The following CNTNAP3B variants were observed in gnomAD, a reference collection of about 807,000 sequenced individuals.
CNTNAP3B encodes contactin-associated protein-like 3B.
Under a neutral mutation model 108.9 loss-of-function variants are expected in CNTNAP3B, and 25 were observed. The observed-to-expected ratio is 0.23, with a 90% CI of 0.17 to 0.32. The LOEUF is 0.32. CNTNAP3B is among the 10% of genes least tolerant of loss of function. The probability of loss-of-function intolerance (pLI) is 1.00; values close to 1 mark genes in which losing one functional copy is unlikely to be tolerated. For missense variants in CNTNAP3B, 252 were observed against 1,210.4 expected (o/e 0.21, Z 11.75); for synonymous variants, 103 against 473.4 (o/e 0.22, Z 10.16).
intron 3 of CNTNAP3B, among the ~76,000 whole-genome samples, chr9:42,030,192 G>A: frequency 1.3e-5 from 1 of 77,582 alleles, no homozygotes; most frequent in East Asian, 4.4e-4. Flanking sequence ...TAAAAGTTAA[G>A]CTAAAAAATG....
intron 3 of CNTNAP3B, among the ~76,000 whole-genome samples, chr9:42,023,659 T>A: frequency 8.5e-6 from 1 of 117,760 alleles, no homozygotes; most frequent in Non-Finnish European, 1.8e-5. Flanking sequence ...ACTATTGCTA[T>A]TTATCTAGGG....
chr9:41,936,064 T>G (rs1411827818), intron 14 of CNTNAP3B, among the ~76,000 whole-genome samples: 1 of 152,248 alleles, frequency 6.6e-6, no homozygotes, highest in African/African-American at 2.4e-5. Context: ...CAGAAGGTTC[T>G]GTAACAAAAA....
chr9:42,018,801 A>G (rs1310461938), intron 3 of CNTNAP3B, among the ~76,000 whole-genome samples: 1 of 151,900 alleles, frequency 6.6e-6, no homozygotes, highest in African/African-American at 2.4e-5. Flanking sequence ...TTCTGTGACT[A>G]TGGGCAAGAT....
chr9:41,979,845 TC>T lies in CNTNAP3B; in HGVS notation c.1477+6322del, dbSNP rs1163803516. The T allele has an allele frequency of 1.4e-3, 170 of 123,940 alleles. 1 individual carries two copies. The highest frequency in any genetic ancestry group is 5.7e-3 in the African/African-American group (153 of 26,980). The allele number at this position is 123,940 out of a possible 1,614,324, so 7.7% of individuals were successfully genotyped here. A position where few individuals can be genotyped will look rare whatever the true frequency, so the allele number is the denominator to read the frequency against. On this transcript the variant is annotated intron_variant, in intron 9 of 23. Transcript: ENST00000377561. ...CTCAGGTGATCCGCCGGCCTCAGCC[TC>T]CCAGATTGCTGGGATTACAGGCGTG...
intron 10 of CNTNAP3B, among the ~76,000 whole-genome samples, chr9:41,965,126 G>A (rs1455357348): frequency 1.3e-5 from 2 of 152,292 alleles, no homozygotes; most frequent in Non-Finnish European, 2.9e-5. Flanking sequence ...TCGCCTTTTA[G>A]ATTTGCAATA....
chr9:42,105,853 G>A (rs1366576437), intron 1 of CNTNAP3B, among the ~76,000 whole-genome samples: 1 of 74,340 alleles, frequency 1.3e-5, no homozygotes, highest in East Asian at 7.6e-4. Context: ...CTGTGAAAGA[G>A]GAATGTTATA....
chr9:41,962,508 G>T (rs1455073321), intron 11 of CNTNAP3B, among the ~76,000 whole-genome samples: 25 of 148,638 alleles, frequency 1.7e-4, no homozygotes, highest in Non-Finnish European at 3.1e-4. Flanking sequence ...AATTTTCCAG[G>T]TAACACACAA....
At chr9:41,930,584 G>C (rs879540203) in intron 14 of CNTNAP3B, among the ~76,000 whole-genome samples, 10 of 151,898 alleles carry the variant, frequency 6.6e-5, no homozygotes, top group Non-Finnish European at 1.2e-4. Flanking sequence ...AACACTCAGC[G>C]CTCACCTTTT....
intron 1 of CNTNAP3B, among the ~76,000 whole-genome samples, chr9:42,114,920 A>T (rs1828279028): frequency 7.4e-6 from 1 of 135,018 alleles, no homozygotes; most frequent in Non-Finnish European, 1.6e-5. Context: ...TGGGCATGGT[A>T]GCGGGAACTT....
chr9:42,071,567 A>T (rs1827380154), intron 3 of CNTNAP3B, among the ~76,000 whole-genome samples: 1 of 139,492 alleles, frequency 7.2e-6, no homozygotes, highest in African/African-American at 2.8e-5. Context: ...GGCAATTTAC[A>T]GCAAGAATTA....
At position 41,934,122 on chromosome 9, in the gene CNTNAP3B, T is replaced by TATATATATATATATATATATACAC. The variant is rs1214326050; in HGVS notation, c.2237+4121_2237+4122insGTGTATATATATATATATATATAT. Among the ~76,000 whole-genome samples, 93 of 73,180 alleles carry TATATATATATATATATATATACAC rather than the reference T, an allele frequency of 1.3e-3. 1 individual carries two copies. The highest frequency in any genetic ancestry group is 4.9e-3 in the African/African-American group (83 of 16,814). The allele number at this position is 73,180 out of a possible 152,430, so 48.0% of individuals were successfully genotyped here. On this transcript the variant is annotated intron_variant, in intron 14 of 23. Transcript: ENST00000377561. ...TTACATATATATATATATATATATA[T>TATATATATATATATATATATACAC]ACACACACATATATATATACACACA...
rs1278493115 is a variant in CNTNAP3B, at chr9:41,906,834, T to TTTTG, written c.3354+16_3354+19dup. The TTTTG allele has an allele frequency of 5.1e-6, 4 of 778,944 alleles. No individual in the cohort carries two copies. In the African/African-American group the frequency reaches 7.1e-5, roughly 14 times the overall value. The allele number at this position is 778,944 out of a possible 1,614,324, so 48.3% of individuals were successfully genotyped here. On this transcript the variant is annotated intron_variant, in intron 20 of 23. Coordinates refer to ENST00000377561, the MANE Select transcript of CNTNAP3B (RefSeq NM_001201380.3). The stretch of plus-strand genomic sequence containing the variant: ...AAATAATAATATTAGTTAGTTTGAC[T>TTTTG]TTTGCATTTGTGGGATTACCTCTAC...
rs1824263664 is a variant in CNTNAP3B at position 41,939,409 on chromosome 9, T to C, written c.2081-1009A>G. ...ATCTGGAACTTAGCTTCTACCTTAC[T>C]GCTTATTACAACTCAATTATAACTC... On this transcript the variant is annotated intron_variant, in intron 13 of 23. Coordinates refer to ENST00000377561, the MANE Select transcript of CNTNAP3B (RefSeq NM_001201380.3). Among the ~76,000 whole-genome samples, 3 of 152,306 alleles carry C rather than the reference T, an allele frequency of 2.0e-5. No individual in the cohort carries two copies. In the South Asian group the frequency reaches 6.2e-4, roughly 31 times the overall value.
At chr9:42,030,750 C>CAGAGAGACAGAGAGAG (rs1335836899) in intron 3 of CNTNAP3B, among the ~76,000 whole-genome samples, 14 of 60,436 alleles carry the variant, frequency 2.3e-4, no homozygotes, top group African/African-American at 1.1e-3. Flanking sequence ...GAAAGAGATA[C>CAGAGAGACAGAGAGAG]AGAGAGAGAG....
chr9:41,940,669 G>T (rs1340080031), intron 13 of CNTNAP3B, among the ~76,000 whole-genome samples: 1 of 152,250 alleles, frequency 6.6e-6, no homozygotes, highest in Non-Finnish European at 1.5e-5. Flanking sequence ...ACAAAAAATA[G>T]ACGAGCGTAG....
intron 13 of CNTNAP3B, among the ~76,000 whole-genome samples, chr9:41,940,992 T>C (rs1341353538): frequency 6.6e-6 from 1 of 152,096 alleles, no homozygotes; most frequent in Non-Finnish European, 1.5e-5. Flanking sequence ...ATAAATATAA[T>C]AGACTATCCT....
At position 42,076,187 on chromosome 9, in the gene CNTNAP3B, G is replaced by T. The variant is rs1827484188; in HGVS notation, c.390+682C>A. On this transcript the variant is annotated intron_variant, in intron 3 of 23. Coordinates refer to ENST00000377561, the MANE Select transcript of CNTNAP3B (RefSeq NM_001201380.3). ...CCCAGCACTTTGGGAGGTCAAGATG[G>T]GTGGATGACCTGAGGTGAGGAGTTC... Among the ~76,000 whole-genome samples, 3 of 70,354 alleles carry T rather than the reference G, an allele frequency of 4.3e-5. No homozygotes were observed. The South Asian group carries it at 1.7e-3, about 39-fold the overall frequency. The allele number at this position is 70,354 out of a possible 152,430, so 46.2% of individuals were successfully genotyped here. A position where few individuals can be genotyped will look rare whatever the true frequency, so the allele number is the denominator to read the frequency against.
intron 3 of CNTNAP3B, 108 bp downstream of exon 3, chr9:42,076,761 A>T (rs1016385208): frequency 1.5e-6 from 1 of 657,920 alleles, no homozygotes; most frequent in Non-Finnish European, 2.5e-6. Context: ...TCAATGAAAT[A>T]GGTATCTTAC....
At chr9:41,962,015 G>C (rs1163588051) in intron 11 of CNTNAP3B, among the ~76,000 whole-genome samples, 2 of 152,282 alleles carry the variant, frequency 1.3e-5, no homozygotes, top group Non-Finnish European at 2.9e-5. Flanking sequence ...GACTAGGTTT[G>C]GAATGGAGAC....
Sources: allele counts gnomAD v4.1 joint callset (sites outside exome capture counted in the v4.1 genomes callset), GRCh38; gene constraint gnomAD v4.1.1; transcripts MANE v1.5; gene names NCBI Gene and HGNC (gene_info 2026-07-23, HGNC 2026-07-21).